The following WSCD2 variants were observed in gnomAD, a reference collection of about 807,000 sequenced individuals.
WSCD2 encodes WSC domain sialate O sulfotransferase 2, also known as sialate:O-sulfotransferase 2.
In WSCD2, 28 loss-of-function variants were observed where a neutral mutation model predicts 55.7. That is an observed-to-expected ratio of 0.50 (90% CI 0.37 to 0.69). The LOEUF (loss-of-function observed/expected upper bound fraction) is 0.69. Ranked by LOEUF, WSCD2 falls within the 30% of genes least tolerant of loss-of-function variation. The pLI is 0.00. For synonymous variants in WSCD2, 301 were observed against 301.9 expected (o/e 1.00, Z 0.03); for missense variants, 616 against 762.1 (o/e 0.81, Z 2.26).
intron 2 of WSCD2, among the ~76,000 whole-genome samples, chr12:108,203,132 T>C (rs1884917529): frequency 6.6e-6 from 1 of 152,212 alleles, no homozygotes; most frequent in African/African-American, 2.4e-5. Flanking sequence ...TAAGCTTGAG[T>C]ATCAGTGTAG....
At chr12:108,175,086 C>T (rs1592933841) in intron 1 of WSCD2, among the ~76,000 whole-genome samples, 3 of 152,282 alleles carry the variant, frequency 2.0e-5, no homozygotes, top group South Asian at 4.1e-4. Context: ...TTTATAAGCA[C>T]GTGATTCTTC....
intron 1 of WSCD2, among the ~76,000 whole-genome samples, chr12:108,156,062 C>T (rs1592900188): frequency 1.3e-5 from 2 of 152,192 alleles, no homozygotes; most frequent in African/African-American, 4.8e-5. Flanking sequence ...TTTTCAGATG[C>T]TTCCTAAATG....
chr12:108,209,678 C>G (rs1294011034), intron 3 of WSCD2, among the ~76,000 whole-genome samples: 1 of 151,952 alleles, frequency 6.6e-6, no homozygotes, highest in African/African-American at 2.4e-5. Context: ...TGCCTCCACG[C>G]TGCCCCACTG....
intron 1 of WSCD2, among the ~76,000 whole-genome samples, chr12:108,187,893 C>G (rs1791993552): frequency 6.6e-6 from 1 of 152,156 alleles, no homozygotes; most frequent in Admixed American, 6.5e-5. Context: ...CGTTTCCTCT[C>G]CGTGGCCATT....
chr12:108,209,677 G>A (rs956463008), intron 3 of WSCD2, among the ~76,000 whole-genome samples: 2 of 151,762 alleles, frequency 1.3e-5, no homozygotes, highest in Non-Finnish European at 2.9e-5. Flanking sequence ...CTGCCTCCAC[G>A]CTGCCCCACT....
At chr12:108,185,758 C>T in intron 1 of WSCD2, among the ~76,000 whole-genome samples, 1 of 152,154 alleles carries the variant, frequency 6.6e-6, no homozygotes, top group Non-Finnish European at 1.5e-5. Flanking sequence ...AGGTCTGCCT[C>T]TTGGGTAAAC....
At position 108,247,954 on chromosome 12, in the gene WSCD2, C is replaced by T. The variant is rs181065157; in HGVS notation, c.1346-37C>T. 6.5e-5 allele frequency: 103 copies of T among 1,587,648 alleles called. 2 individuals are homozygous for T. The African/African-American group carries it at 1.2e-3, about 19-fold the overall frequency. ...ATCTGACTGGGTCTTTCAAACTCCT[C>T]CTCCCTCTGACTGTGTCCTTTCTCC... On this transcript the variant is annotated intron_variant, in intron 8 of 8. Coordinates refer to ENST00000547525, the MANE Select transcript of WSCD2 (RefSeq NM_014653.4).
chr12:108,130,064 C>T (rs544518638), intron 1 of WSCD2, 138 bp downstream of exon 1: 1 of 152,438 alleles, frequency 6.6e-6, no homozygotes, highest in East Asian at 1.9e-4. Context: ...GCTCGTCGTC[C>T]AGAGCCCGGC....
At chr12:108,223,679 A>C (rs1217753641) in intron 4 of WSCD2, among the ~76,000 whole-genome samples, 1 of 152,192 alleles carries the variant, frequency 6.6e-6, no homozygotes, top group African/African-American at 2.4e-5. Context: ...GGTGGTGATC[A>C]ATGGCTCACA....
At chr12:108,137,096 C>T (rs139249961) in intron 1 of WSCD2, among the ~76,000 whole-genome samples, 40 of 152,356 alleles carry the variant, frequency 2.6e-4, no homozygotes, top group Middle Eastern at 3.4e-3. Context: ...CCCCACTTGG[C>T]TAAGATGGCC....
chr12:108,195,882 T>C lies in WSCD2; in HGVS notation c.50T>C (p.Val17Ala). 1 of 1,614,118 alleles carries C rather than the reference T, an allele frequency of 6.2e-7. No individual in the cohort carries two copies. The highest frequency in any genetic ancestry group is 8.5e-7 in the Non-Finnish European group (1 of 1,180,008). ...CAGCGGTACTTCCGCCGGAAACCTG[T>C]GCGCTTCTTTACCTTCCTGGCACTC... is the stretch of plus-strand genomic sequence containing the variant. ...KFQRYFRRKP[V>A]RFFTFLALYL... The change falls in exon 2 of 9, where the codon GTG (valine) becomes GCG (alanine). Residue 17 changes from valine to alanine, a missense_variant. Val to Ala is a moderately conservative substitution (Grantham distance 64, BLOSUM62 0). Around this residue, in one of 3 missense-constraint regions of WSCD2, gnomAD observed 374 missense variants for 467.4 expected, o/e 0.80. Transcript: ENST00000547525.
intron 4 of WSCD2, among the ~76,000 whole-genome samples, chr12:108,213,763 C>T (rs1483748009): frequency 6.6e-6 from 1 of 152,218 alleles, no homozygotes; most frequent in Non-Finnish European, 1.5e-5. Flanking sequence ...CTCTTAGGGA[C>T]TGACCATGGG....
chr12:108,238,747 A>G (rs769999219), intron 7 of WSCD2, among the ~76,000 whole-genome samples: 8 of 152,212 alleles, frequency 5.3e-5, no homozygotes, highest in Non-Finnish European at 1.0e-4. Flanking sequence ...TTGAAGGCTT[A>G]CTACAATAAC....
intron 4 of WSCD2, among the ~76,000 whole-genome samples, chr12:108,215,775 T>G (rs1200989450): frequency 6.6e-6 from 1 of 152,228 alleles, no homozygotes; most frequent in Non-Finnish European, 1.5e-5. Context: ...TCTAAGCTGA[T>G]GCCTGGTGAC....
chr12:108,228,176 T>C (rs1460005143), intron 6 of WSCD2, among the ~76,000 whole-genome samples: 2 of 152,130 alleles, frequency 1.3e-5, no homozygotes, highest in Non-Finnish European at 2.9e-5. Flanking sequence ...TGGGTGGCAC[T>C]TGGATGGGGA....
In WSCD2 at chr12:108,182,061, A is replaced by G. The variant is rs190121289; in HGVS notation, c.-551-13221A>G. 4.5e-4 allele frequency among the ~76,000 whole-genome samples: 68 copies of G among 152,334 alleles called. No homozygotes were observed. The East Asian group carries it at 0.013, about 29-fold the overall frequency. On this transcript the variant is annotated intron_variant, in intron 1 of 8. Transcript: ENST00000547525. ...TCAAGTCTAACTGACATCAAAACTC[A>G]TGCTCTATCTCTTTCTTTAAATCCA... is the stretch of plus-strand genomic sequence containing the variant.
chr12:108,141,400 T>C (rs1374904158), intron 1 of WSCD2, among the ~76,000 whole-genome samples: 3 of 152,160 alleles, frequency 2.0e-5, no homozygotes. Flanking sequence ...CATCCCCGGT[T>C]CTAAACAATA....
intron 6 of WSCD2, among the ~76,000 whole-genome samples, chr12:108,230,975 G>A (rs1888685241): frequency 1.3e-5 from 2 of 152,040 alleles, no homozygotes; most frequent in African/African-American, 4.8e-5. Context: ...TCGCTGGAAG[G>A]GGCTCTTTCT....
chr12:108,137,607 G>A (rs1409107345), intron 1 of WSCD2, among the ~76,000 whole-genome samples: 1 of 152,234 alleles, frequency 6.6e-6, no homozygotes, highest in Admixed American at 6.5e-5. Flanking sequence ...GGAATTTAGT[G>A]TAGTGGTCCA....
Sources: gnomAD v4.1 joint callset for allele counts (sites outside exome capture counted in the v4.1 genomes callset) on GRCh38, gnomAD v4.1.1 for gene constraint, gnomAD v4.1.1 regional missense constraint, MANE v1.5 for transcripts, NCBI Gene and HGNC (gene_info 2026-07-23, HGNC 2026-07-21) for gene names.